Variants in NCS1 observed in about 807,000 individuals in gnomAD.
The protein encoded by NCS1 is frequenin homolog.
A neutral mutation model predicts 28.4 loss-of-function variants in NCS1; 6 were observed. That is an observed-to-expected ratio of 0.21 (90% CI 0.12 to 0.42). The LOEUF is 0.42. NCS1 is among the 10% of genes least tolerant of loss of function. The pLI, the probability that NCS1 is intolerant of heterozygous loss-of-function variation, is 1.00. For missense variants in NCS1, 131 were observed against 241.4 expected (o/e 0.54, Z 3.03); for synonymous variants, 86 against 99.3 (o/e 0.87, Z 0.79).
intron 2 of NCS1, among the ~76,000 whole-genome samples, chr9:130,208,426 C>G (rs1039189992): frequency 1.3e-5 from 2 of 151,896 alleles, no homozygotes; most frequent in Non-Finnish European, 2.9e-5. Flanking sequence ...TTACAGGCAC[C>G]CACCACCACG....
intron 5 of NCS1, 108 bp from the exon 6 acceptor site, chr9:130,222,974 G>C (rs1462095807): frequency 3.3e-5 from 25 of 749,414 alleles, no homozygotes; most frequent in African/African-American, 5.4e-5. Flanking sequence ...GGAAAGAAGA[G>C]GGGGGCGGCC....
At chr9:130,200,399 T>C in intron 1 of NCS1, 1 of 621,390 alleles carries the variant, frequency 1.6e-6, no homozygotes. Flanking sequence ...TTCACGGCTC[T>C]GTTCATGTCT....
At chr9:130,206,253 C>T (rs1435888799) in intron 2 of NCS1, among the ~76,000 whole-genome samples, 2 of 152,162 alleles carry the variant, frequency 1.3e-5, no homozygotes, top group Non-Finnish European at 1.5e-5. Flanking sequence ...GGGCTGGATT[C>T]GCCAGGCCCA....
Position 130,179,027 on chromosome 9 carries a change from C to T in NCS1, c.64+6300C>T, listed in dbSNP as rs544715356. On this transcript the variant is annotated intron_variant, in intron 1 of 7. Transcript: ENST00000372398. ...TTGGCTTACTGCAATCTCCACCTCC[C>T]GGGTTCAAGCAAATCTCCTGTCTCA... is the stretch of plus-strand genomic sequence containing the variant. Among the ~76,000 whole-genome samples, 8 of 149,590 alleles carry T rather than the reference C, an allele frequency of 5.3e-5. No homozygotes were observed. The South Asian group carries it at 1.1e-3, about 20-fold the overall frequency.
intron 1 of NCS1, among the ~76,000 whole-genome samples, chr9:130,190,606 C>T (rs1554906158): frequency 6.6e-6 from 1 of 152,182 alleles, no homozygotes; most frequent in Non-Finnish European, 1.5e-5. Context: ...CCTTTGCCTG[C>T]CAGCACCAAC....
rs1231306662 is a variant in NCS1, at chr9:130,177,719, G to C, written c.64+4992G>C. ...CTTGGGGAAGTCCCTTGGCCTCTCT[G>C]AGCACCAGCTTGCTCATCCTTCAGA... On this transcript the variant is annotated intron_variant, in intron 1 of 7. Coordinates refer to ENST00000372398, the MANE Select transcript of NCS1 (RefSeq NM_014286.4). The surrounding 1 kb of genome is among the most constrained non-coding windows in gnomAD (Gnocchi z 4.4). Among the ~76,000 whole-genome samples the C allele has an allele frequency of 6.6e-6, 1 of 152,352 alleles. No homozygotes were observed. Among genetic ancestry groups the C allele is most frequent in the Non-Finnish European group, 1.5e-5 (1 of 68,034 alleles).
At position 130,219,381 on chromosome 9, in the gene NCS1, C is replaced by T. The variant is rs1391785188; in HGVS notation, c.229-344C>T. Among the ~76,000 whole-genome samples the T allele has an allele frequency of 2.0e-5, 3 of 152,182 alleles. No individual in the cohort carries two copies. Among genetic ancestry groups the T allele is most frequent in the Non-Finnish European group, 2.9e-5 (2 of 68,028 alleles). On this transcript the variant is annotated intron_variant, in intron 3 of 7. Transcript: ENST00000372398. The surrounding 1 kb of genome is among the most constrained non-coding windows in gnomAD (Gnocchi z 5.7). ...AGCCCATGAGCCCACAGCTCTAGGC[C>T]GAGGGGCTTCCGGGCTGTTGCTGAG...
intron 1 of NCS1, among the ~76,000 whole-genome samples, chr9:130,190,561 T>A (rs1370643017): frequency 1.3e-5 from 2 of 152,160 alleles, no homozygotes; most frequent in South Asian, 2.1e-4. Context: ...ACTCAGCCAG[T>A]CAAAGCAAGT....
intron 4 of NCS1, among the ~76,000 whole-genome samples, chr9:130,222,092 G>T: frequency 1.6e-5 from 1 of 63,850 alleles, no homozygotes; most frequent in Non-Finnish European, 2.9e-5. Flanking sequence ...ATATATATAT[G>T]TGTGTGTGTA....
chr9:130,208,630 A>G (rs1380637831), intron 2 of NCS1, among the ~76,000 whole-genome samples: 7 of 152,158 alleles, frequency 4.6e-5, no homozygotes, highest in Admixed American at 3.9e-4. Context: ...ATATGATAGC[A>G]AAAGTAGTGG....
intron 2 of NCS1, among the ~76,000 whole-genome samples, chr9:130,204,829 A>G (rs1564708872): frequency 1.3e-5 from 2 of 152,148 alleles, no homozygotes; most frequent in African/African-American, 4.8e-5. Context: ...CATCCGTGGA[A>G]CCCAAAGAAC....
At chr9:130,185,541 C>T (rs1554905556) in intron 1 of NCS1, among the ~76,000 whole-genome samples, 7 of 152,156 alleles carry the variant, frequency 4.6e-5, no homozygotes, top group Non-Finnish European at 7.4e-5. Context: ...TTCTCACCTG[C>T]TGGGGCTGGG....
intron 2 of NCS1, 117 bp from the exon 3 acceptor site, chr9:130,217,715 A>G (rs1448070013): frequency 6.8e-7 from 1 of 1,459,872 alleles, no homozygotes; most frequent in Non-Finnish European, 9.6e-7. Context: ...CCCATGGGGC[A>G]CCATCTCTTT....
In NCS1 at chr9:130,192,452, C is replaced by T. The variant is rs1006610301; in HGVS notation, c.65-8506C>T. Among the ~76,000 whole-genome samples the T allele has an allele frequency of 1.3e-5, 2 of 151,962 alleles. No homozygotes were observed. Among genetic ancestry groups the T allele is most frequent in the East Asian group, 1.9e-4 (1 of 5,164 alleles). ...TGCTCTTCCTGGACACGGGGCCTGTCGTTGTGGGAAATGAGGCGCTCCAGA... is the reference window on the plus strand; with the variant it reads ...TGCTCTTCCTGGACACGGGGCCTGTTGTTGTGGGAAATGAGGCGCTCCAGA... On this transcript the variant is annotated intron_variant, in intron 1 of 7. Transcript: ENST00000372398. This position sits in a 1 kb window ranked among gnomAD's most constrained non-coding sequence, Gnocchi z 4.8.
rs782304994 is a variant in NCS1 at position 130,181,800 on chromosome 9, C to T, written c.64+9073C>T. Among the ~76,000 whole-genome samples the T allele has an allele frequency of 3.9e-5, 6 of 152,066 alleles. No individual in the cohort carries two copies. Among genetic ancestry groups the T allele is most frequent in the Non-Finnish European group, 5.9e-5 (4 of 68,008 alleles). ...GGGCAAGTCCCGATTCACGTGGGCACGCTCCGAGCGTGAGTGACGGGGTCA... is the reference window on the plus strand; with the variant it reads ...GGGCAAGTCCCGATTCACGTGGGCATGCTCCGAGCGTGAGTGACGGGGTCA... On this transcript the variant is annotated intron_variant, in intron 1 of 7. Transcript: ENST00000372398. This position sits in a 1 kb window ranked among gnomAD's most constrained non-coding sequence, Gnocchi z 5.0.
intron 2 of NCS1, among the ~76,000 whole-genome samples, chr9:130,207,659 C>G (rs1260896908): frequency 6.6e-6 from 1 of 152,268 alleles, no homozygotes; most frequent in Non-Finnish European, 1.5e-5. Flanking sequence ...TGGACTAGAA[C>G]TCGGGCTCCA....
At chr9:130,176,323 G>C (rs1219204909) in intron 1 of NCS1, among the ~76,000 whole-genome samples, 1 of 151,142 alleles carries the variant, frequency 6.6e-6, no homozygotes, top group Non-Finnish European at 1.5e-5. Context: ...CTCCCCAGTA[G>C]CTGGGACCAT....
At chr9:130,211,574 G>C (rs1236387262) in intron 2 of NCS1, among the ~76,000 whole-genome samples, 1 of 151,692 alleles carries the variant, frequency 6.6e-6, no homozygotes, top group Non-Finnish European at 1.5e-5. Context: ...GAGGACTTTC[G>C]GCTTCCACCT....
chr9:130,217,941 T>A lies in NCS1; in HGVS notation c.199T>A (p.Phe67Ile). 2 of 1,614,198 alleles carry A rather than the reference T, an allele frequency of 1.2e-6. No individual in the cohort carries two copies. Among genetic ancestry groups the A allele is most frequent in the Non-Finnish European group, 1.7e-6 (2 of 1,180,030 alleles). The change falls in exon 3 of 8, where the codon TTT becomes ATT. Residue 67 changes from phenylalanine to isoleucine, a missense_variant. Transcript: ENST00000372398. The stretch of plus-strand genomic sequence containing the variant: ...CGGAGACCCCACCAAGTTTGCCACA[T>A]TTGTTTTCAACGTCTTTGATGAAAA... ...PFGDPTKFAT[F>I]VFNVFDENKD...
Sources: allele counts gnomAD v4.1 joint callset (sites outside exome capture counted in the v4.1 genomes callset), GRCh38; gene constraint gnomAD v4.1.1; non-coding constraint Gnocchi (gnomAD v3.1); transcripts MANE v1.5; gene names NCBI Gene and HGNC (gene_info 2026-07-23, HGNC 2026-07-21).